TAC1: variants seen among roughly 807,000 people sequenced by gnomAD.
TAC1 encodes the protein tachykinin precursor 1.
Under a neutral mutation model 21.7 loss-of-function variants are expected in TAC1, and 12 were observed. The ratio of observed to expected loss-of-function variants is 0.55; its 90% CI spans 0.35 to 0.89. TAC1 has a LOEUF of 0.89. Among genes scored for constraint, TAC1 ranks in the 40% least tolerant of loss-of-function variants. The pLI is 0.01. For missense variants in TAC1, 128 were observed against 151.4 expected, an observed-to-expected ratio of 0.85 and a Z score of 0.81; for synonymous variants, 52 against 52.0, an observed-to-expected ratio of 1.00 and a Z score of 0.00.
intron 4 of TAC1, 86 bp downstream of exon 4, chr7:97,734,378 A>C: frequency 8.3e-7 from 1 of 1,207,348 alleles, no homozygotes; most frequent in South Asian, 1.3e-5. Context: ...CTGAAATACA[A>C]GATCTGGGTC....
chr7:97,732,980 CCCTCCCGGAT>C lies in TAC1; in HGVS notation c.123+246_123+255del. The stretch of plus-strand genomic sequence containing the variant: ...CCAGGAACTCCCTGCAGTAGGGATG[CCCTCCCGGAT>C]GAGCCCGAGATCCTCACAAGGCGGG... On this transcript the variant is annotated intron_variant, in intron 2 of 6. Transcript: ENST00000319273. This position sits in a 1 kb window ranked among gnomAD's most constrained non-coding sequence, Gnocchi z 6.2. 1 of 407,784 alleles carries C rather than the reference CCCTCCCGGAT, an allele frequency of 2.5e-6. No individual in the cohort carries two copies. The highest frequency in any genetic ancestry group is 4.4e-6 in the Non-Finnish European group (1 of 228,096). The allele number at this position is 407,784 out of a possible 1,614,324, so 25.3% of individuals were successfully genotyped here. A position where few individuals can be genotyped will look rare whatever the true frequency, so the allele number is the denominator to read the frequency against.
chr7:97,736,184 GTAGA>G, intron 5 of TAC1, 111 bp from the exon 6 acceptor site: 1 of 764,912 alleles, frequency 1.3e-6, no homozygotes, highest in South Asian at 2.5e-5. Flanking sequence ...AAAACTTGAA[GTAGA>G]TAGATATTTA....
chr7:97,735,688 A>AAAAT (rs3058356), intron 5 of TAC1, among the ~76,000 whole-genome samples: 83,284 of 151,402 alleles, frequency 0.55, 23,517 homozygotes, highest in African/African-American at 0.69. Flanking sequence ...TCATCTTTGA[A>AAAAT]AAATAAATAG....
chr7:97,736,236 G>C (rs1306910241), intron 5 of TAC1, 63 bp from the exon 6 acceptor site: 2 of 1,388,704 alleles, frequency 1.4e-6, no homozygotes, highest in Non-Finnish European at 2.0e-6. Context: ...CTTTGTTCTG[G>C]TTATAATAGT....
intron 5 of TAC1, among the ~76,000 whole-genome samples, chr7:97,735,920 T>G (rs1216174231): frequency 6.6e-6 from 1 of 152,088 alleles, no homozygotes; most frequent in Non-Finnish European, 1.5e-5. Flanking sequence ...AAGTACAACT[T>G]ATTAATAACA....
chr7:97,733,875 C>T, intron 3 of TAC1, 56 bp downstream of exon 3: 1 of 1,535,612 alleles, frequency 6.5e-7, no homozygotes, highest in Non-Finnish European at 9.0e-7. Context: ...TCTGCTCACT[C>T]CTTCCTGGAG....
At chr7:97,739,774 T>C (rs1227067439) in intron 6 of TAC1, 100 bp from the exon 7 acceptor site, 1 of 723,610 alleles carries the variant, frequency 1.4e-6, no homozygotes, top group Admixed American at 3.2e-5. Flanking sequence ...GAAAATGTCA[T>C]TATGAGTTTA....
At position 97,734,276 on chromosome 7, in the gene TAC1, G is replaced by A. The variant is rs1410461298; in HGVS notation, c.249G>A (p.Leu83=). 4 of 1,613,702 alleles carry A rather than the reference G, an allele frequency of 2.5e-6. No individual in the cohort carries two copies. The highest frequency in any genetic ancestry group is 3.4e-6 in the Non-Finnish European group (4 of 1,179,790). Residue 83 remains leucine, a synonymous_variant, in exon 4 of 7, where the codon CTG becomes CTA. Coordinates refer to ENST00000319273, the MANE Select transcript of TAC1 (RefSeq NM_003182.3). ...ADSSIEKQVA[L]LKALYGHGQI... ...CCTCAATTGAAAAACAAGTGGCCCTGTTAAAGGCTCTTTATGGTAAACATT... is the reference window on the plus strand; with the variant it reads ...CCTCAATTGAAAAACAAGTGGCCCTATTAAAGGCTCTTTATGGTAAACATT...
chr7:97,732,750 C>T lies in TAC1; in HGVS notation c.123+15C>T. 2 of 1,611,518 alleles carry T rather than the reference C, an allele frequency of 1.2e-6. No individual in the cohort carries two copies. The highest frequency in any genetic ancestry group is 1.3e-5 in the African/African-American group (1 of 75,026). On this transcript the variant is annotated intron_variant, in intron 2 of 6. Coordinates refer to ENST00000319273, the MANE Select transcript of TAC1 (RefSeq NM_003182.3). This position sits in a 1 kb window ranked among gnomAD's most constrained non-coding sequence, Gnocchi z 6.2. ...ACCAGATCAAGGTGAGGCCCCTTCCCAGGACGGCCCGCACCCTTCTTCCTG... is the reference window on the plus strand; with the variant it reads ...ACCAGATCAAGGTGAGGCCCCTTCCTAGGACGGCCCGCACCCTTCTTCCTG...
intron 2 of TAC1, 44 bp from the exon 3 acceptor site, chr7:97,733,679 T>C (rs1415123274): frequency 1.2e-6 from 2 of 1,601,608 alleles, no homozygotes; most frequent in Non-Finnish European, 1.7e-6. Flanking sequence ...GGTGCCTCGC[T>C]CTGGTTGCCT....
intron 5 of TAC1, 45 bp from the exon 6 acceptor site, chr7:97,736,254 C>T (rs1789571913): frequency 6.6e-7 from 1 of 1,521,020 alleles, no homozygotes; most frequent in Non-Finnish European, 9.0e-7. Flanking sequence ...AGTTTGTTTC[C>T]TCAAAGATAT....
rs1789633316 is a variant in TAC1, at chr7:97,738,833, T to C, written c.344-1041T>C. Among the ~76,000 whole-genome samples, 3 of 151,946 alleles carry C rather than the reference T, an allele frequency of 2.0e-5. No individual in the cohort carries two copies. The South Asian group carries it at 6.2e-4, about 31-fold the overall frequency. On this transcript the variant is annotated intron_variant, in intron 6 of 6. Transcript: ENST00000319273. ...CTTTCTGTTTACATTCAGTATTTTATACAGGCCATACTGAATTTCAAAAAG... is the reference window on the plus strand; with the variant it reads ...CTTTCTGTTTACATTCAGTATTTTACACAGGCCATACTGAATTTCAAAAAG...
intron 6 of TAC1, among the ~76,000 whole-genome samples, chr7:97,739,532 A>G (rs1284387462): frequency 6.6e-6 from 1 of 152,020 alleles, no homozygotes; most frequent in Non-Finnish European, 1.5e-5. Context: ...ATTCCTGGTT[A>G]TTTTAGGCAT....
At chr7:97,737,424 T>C (rs1789600981) in intron 6 of TAC1, among the ~76,000 whole-genome samples, 1 of 151,966 alleles carries the variant, frequency 6.6e-6, no homozygotes, top group East Asian at 1.9e-4. Context: ...GATTTTTTTC[T>C]TTATTGTGAA....
chr7:97,738,317 C>T (rs4526299), intron 6 of TAC1, among the ~76,000 whole-genome samples: 28,243 of 151,842 alleles, frequency 0.19, 2,741 homozygotes, highest in East Asian at 0.27. Flanking sequence ...TCAGCTCATA[C>T]ACTCAAAAAT....
At chr7:97,736,236 G>T (rs1306910241) in intron 5 of TAC1, 63 bp from the exon 6 acceptor site, 2 of 1,388,704 alleles carry the variant, frequency 1.4e-6, no homozygotes, top group Non-Finnish European at 2.0e-6. Flanking sequence ...CTTTGTTCTG[G>T]TTATAATAGT....
chr7:97,736,070 G>C (rs1789568908), intron 5 of TAC1, among the ~76,000 whole-genome samples: 1 of 151,938 alleles, frequency 6.6e-6, no homozygotes, highest in Non-Finnish European at 1.5e-5. Flanking sequence ...TGAATAGAGA[G>C]TGCTTGCTAA....
rs1477926285 is a variant in TAC1, at chr7:97,732,936, G to T, written c.123+201G>T. Reference sequence around the variant, plus strand: ...GTGCCCACGATTCAAGTTTCTTCCCGAGGGCTGCACCGTCCGGCCCAGGAA... The same window carrying T: ...GTGCCCACGATTCAAGTTTCTTCCCTAGGGCTGCACCGTCCGGCCCAGGAA... On this transcript the variant is annotated intron_variant, in intron 2 of 6. Transcript: ENST00000319273. This position sits in a 1 kb window ranked among gnomAD's most constrained non-coding sequence, Gnocchi z 6.2. 8 of 700,048 alleles carry T rather than the reference G, an allele frequency of 1.1e-5. No homozygotes were observed. Among genetic ancestry groups the T allele is most frequent in the Non-Finnish European group, 1.8e-5 (8 of 437,276 alleles). 43.4% of individuals were successfully genotyped at this position (700,048 alleles called of 1,614,324 possible).
Position 97,739,961 on chromosome 7 carries a change from A to T in TAC1, c.*41A>T. The T allele has an allele frequency of 4.2e-6, 6 of 1,412,384 alleles. No individual in the cohort carries two copies. The highest frequency in any genetic ancestry group is 1.4e-5 in the African/African-American group (1 of 70,336). The allele number at this position is 1,412,384 out of a possible 1,614,324, so 87.5% of individuals were successfully genotyped here. A position where few individuals can be genotyped will look rare whatever the true frequency, so the allele number is the denominator to read the frequency against. ...TATTTATTCAGCTTCATTTGTGTCA[A>T]TGGGCAATGACAGGTAAATTAAGAC... On this transcript the variant is annotated 3_prime_UTR_variant, in exon 7 of 7. Transcript: ENST00000319273.
Sources: allele counts gnomAD v4.1 joint callset (sites outside exome capture counted in the v4.1 genomes callset), GRCh38; gene constraint gnomAD v4.1.1; non-coding constraint Gnocchi (gnomAD v3.1); transcripts MANE v1.5; gene names NCBI Gene and HGNC (gene_info 2026-07-23, HGNC 2026-07-21).